The following RORA variants were observed in gnomAD, a reference collection of about 807,000 sequenced individuals.
RORA encodes the protein nuclear receptor ROR-alpha.
RORA carries 7 observed loss-of-function variants against 69.5 expected under a neutral mutation model. The ratio of observed to expected loss-of-function variants is 0.10; its 90% CI spans 0.06 to 0.19. The LOEUF (loss-of-function observed/expected upper bound fraction) is 0.19, where lower values mean the gene tolerates loss of function less well. Among genes scored for constraint, RORA ranks in the 10% least tolerant of loss-of-function variants. The probability of loss-of-function intolerance (pLI) is 1.00; values close to 1 mark genes in which losing one functional copy is unlikely to be tolerated. For missense variants in RORA, 457 were observed against 663.0 expected, an observed-to-expected ratio of 0.69 and a Z score of 3.41; for synonymous variants, 261 against 240.8, an observed-to-expected ratio of 1.08 and a Z score of -0.78.
At chr15:60,719,939 G>T (rs1029866226) in intron 1 of RORA, among the ~76,000 whole-genome samples, 1 of 152,306 alleles carries the variant, frequency 6.6e-6, no homozygotes, top group African/African-American at 2.4e-5. Context: ...CTACATTGCA[G>T]TGTTGCCTTT....
intron 2 of RORA, among the ~76,000 whole-genome samples, chr15:60,664,471 A>G (rs2070352326): frequency 6.6e-6 from 1 of 152,208 alleles, no homozygotes; most frequent in South Asian, 2.1e-4. Context: ...GCTATAAGAG[A>G]TGGCCTTTCT....
At chr15:60,982,716 G>T (rs1462138390) in intron 1 of RORA, among the ~76,000 whole-genome samples, 1 of 152,118 alleles carries the variant, frequency 6.6e-6, no homozygotes, top group Non-Finnish European at 1.5e-5. Flanking sequence ...CCACAGTTTT[G>T]CTTTTTTCAT....
chr15:60,632,159 T>G (rs1171216160), intron 2 of RORA, among the ~76,000 whole-genome samples: 1 of 151,452 alleles, frequency 6.6e-6, no homozygotes, highest in African/African-American at 2.4e-5. Context: ...CAGGCTGGAG[T>G]GCAGTGGCGC....
chr15:61,118,551 C>T (rs1490594315), intron 1 of RORA, among the ~76,000 whole-genome samples: 1 of 152,046 alleles, frequency 6.6e-6, no homozygotes, highest in East Asian at 1.9e-4. Context: ...TATATATCTC[C>T]ATTTCACAGA....
intron 1 of RORA, among the ~76,000 whole-genome samples, chr15:60,699,115 C>T (rs1192810685): frequency 6.6e-6 from 1 of 151,918 alleles, no homozygotes; most frequent in African/African-American, 2.4e-5. Flanking sequence ...AATCATAGCC[C>T]TTTATGTAAT....
chr15:60,531,751 ATTAAAAAGGC>A lies in RORA; in HGVS notation c.282+5_282+14del. On this transcript the variant is annotated splice_donor_5th_base_variant and intron_variant, in intron 3 of 10. Coordinates refer to ENST00000335670, the MANE Select transcript of RORA (RefSeq NM_134261.3). The surrounding 1 kb of genome is among the most constrained non-coding windows in gnomAD (Gnocchi z 4.8). ...ACAAACATTAATAGAAACAACAACA[ATTAAAAAGGC>A]TTACCTTGCAGCCTTCACATGTAAT... The A allele has an allele frequency of 7.0e-7, 1 of 1,429,736 alleles. No individual in the cohort carries two copies. The highest frequency in any genetic ancestry group is 9.7e-7 in the Non-Finnish European group (1 of 1,034,202). The allele number at this position is 1,429,736 out of a possible 1,614,324, so 88.6% of individuals were successfully genotyped here. A position where few individuals can be genotyped will look rare whatever the true frequency, so the allele number is the denominator to read the frequency against.
chr15:60,919,970 G>A (rs1451763034), intron 1 of RORA, among the ~76,000 whole-genome samples: 2 of 152,162 alleles, frequency 1.3e-5, no homozygotes, highest in African/African-American at 4.8e-5. Flanking sequence ...AGAACGTACA[G>A]AAGAGCCAGG....
chr15:60,563,955 C>T (rs562256849), intron 2 of RORA, among the ~76,000 whole-genome samples: 67 of 152,286 alleles, frequency 4.4e-4, no homozygotes, highest in Non-Finnish European at 8.1e-4. Flanking sequence ...CTGCATGCGG[C>T]TTTCACTTTG....
At chr15:60,878,079 C>A (rs895222834) in intron 1 of RORA, among the ~76,000 whole-genome samples, 1 of 149,600 alleles carries the variant, frequency 6.7e-6, no homozygotes, top group African/African-American at 2.5e-5. Flanking sequence ...CACCTGTAAT[C>A]ACTTTGGGAA....
chr15:61,073,767 G>A (rs2078405916), intron 1 of RORA, among the ~76,000 whole-genome samples: 2 of 152,180 alleles, frequency 1.3e-5, no homozygotes, highest in South Asian at 4.1e-4. Context: ...GGCAATCCAT[G>A]TTAGATCTAC....
intron 1 of RORA, among the ~76,000 whole-genome samples, chr15:61,067,870 T>C (rs2078287056): frequency 6.6e-6 from 1 of 152,258 alleles, no homozygotes; most frequent in South Asian, 2.1e-4. Context: ...CTGAAATCCC[T>C]TGGCTACTTT....
intron 1 of RORA, among the ~76,000 whole-genome samples, chr15:60,906,339 C>T (rs1220496749): frequency 1.3e-5 from 2 of 152,188 alleles, no homozygotes; most frequent in Non-Finnish European, 2.9e-5. Flanking sequence ...AGGGGCTGAG[C>T]TAGTGAATTA....
chr15:61,076,007 C>A (rs1185375585), intron 1 of RORA, among the ~76,000 whole-genome samples: 1 of 152,190 alleles, frequency 6.6e-6, no homozygotes, highest in African/African-American at 2.4e-5. Flanking sequence ...TCAAAGCCAG[C>A]CTTCACTTCC....
intron 2 of RORA, among the ~76,000 whole-genome samples, chr15:60,536,503 A>G (rs2066684201): frequency 6.6e-6 from 1 of 152,252 alleles, no homozygotes; most frequent in East Asian, 1.9e-4. Context: ...ACTGTTTGCC[A>G]CAACACAGTG....
At chr15:61,206,181 T>C (rs1034023950) in intron 1 of RORA, among the ~76,000 whole-genome samples, 1 of 150,420 alleles carries the variant, frequency 6.6e-6, no homozygotes, top group African/African-American at 2.4e-5. Flanking sequence ...TAATACTTTA[T>C]TTAATCTTTG....
At chr15:60,832,999 G>T (rs1393372485) in intron 1 of RORA, among the ~76,000 whole-genome samples, 4 of 151,890 alleles carry the variant, frequency 2.6e-5, no homozygotes, top group Non-Finnish European at 4.4e-5. Flanking sequence ...CCGCCTCCCA[G>T]GTTCATGCCA....
rs747778477 is a variant in RORA, at chr15:60,612,211, A to AT, written c.196+66445dup. On this transcript the variant is annotated intron_variant, in intron 2 of 10. Coordinates refer to ENST00000335670, the MANE Select transcript of RORA (RefSeq NM_134261.3). ...GGGCCAGGACTGGCCAGCAAGACTG[A>AT]TTTTTTGCAAGTTCTCAAAAATAAT... is the stretch of plus-strand genomic sequence containing the variant. Among the ~76,000 whole-genome samples, 115 of 152,320 alleles carry AT rather than the reference A, an allele frequency of 7.5e-4. 1 individual carries two copies. The highest frequency in any genetic ancestry group is 7.8e-4 in the Non-Finnish European group (53 of 68,030).
chr15:60,692,424 T>A (rs1050045883), intron 1 of RORA, among the ~76,000 whole-genome samples: 1 of 152,158 alleles, frequency 6.6e-6, no homozygotes, highest in Admixed American at 6.5e-5. Flanking sequence ...GAAAAATGAG[T>A]TCACGCTACA....
chr15:60,984,644 A>G (rs1261639325), intron 1 of RORA, among the ~76,000 whole-genome samples: 1 of 152,152 alleles, frequency 6.6e-6, no homozygotes, highest in Non-Finnish European at 1.5e-5. Flanking sequence ...CTGATTTGCA[A>G]GCTTGTTGTT....
Sources: allele counts gnomAD v4.1 joint callset (sites outside exome capture counted in the v4.1 genomes callset), GRCh38; gene constraint gnomAD v4.1.1; non-coding constraint Gnocchi (gnomAD v3.1); transcripts MANE v1.5; gene names NCBI Gene and HGNC (gene_info 2026-07-23, HGNC 2026-07-21).